The following DDX56 variants were observed in gnomAD, a reference collection of about 807,000 sequenced individuals.
The protein encoded by DDX56 is DEAD-box helicase 56.
DDX56 carries 45 observed loss-of-function variants against 61.5 expected under a neutral mutation model. The observed-to-expected ratio is 0.73, with a 90% CI of 0.58 to 0.94. The LOEUF (loss-of-function observed/expected upper bound fraction) is 0.94. Among genes scored for constraint, DDX56 ranks in the 40% least tolerant of loss-of-function variants. The probability of loss-of-function intolerance (pLI) is 0.00; values close to 1 mark genes in which losing one functional copy is unlikely to be tolerated. For missense variants in DDX56, 708 were observed against 690.7 expected (o/e 1.02, Z -0.28); for synonymous variants, 273 against 268.3 (o/e 1.02, Z -0.17).
At position 44,571,557 on chromosome 7, in the gene DDX56, G is replaced by T. The variant is rs1309991936; in HGVS notation, c.825C>A (p.Arg275=). 1.9e-6 allele frequency: 3 copies of T among 1,613,966 alleles called. No homozygotes were observed. The African/African-American group carries it at 4.0e-5, about 22-fold the overall frequency. Residue 275 remains arginine, a synonymous_variant, in exon 6 of 14, where the codon CGC becomes CGA. Transcript: ENST00000258772. ...GGATGCTGAACTGTTCCAAGAACAG[G>T]CGTAGCCGGTAACTCCGTTCTAGAG... The part of the protein sequence containing the change: ...VNTLERSYRL[R]LFLEQFSIPT...
At chr7:44,570,472 G>T (rs1218536905) in intron 7 of DDX56, among the ~76,000 whole-genome samples, 1 of 152,192 alleles carries the variant, frequency 6.6e-6, no homozygotes, top group African/African-American at 2.4e-5. Flanking sequence ...CTCCCTGCAA[G>T]TCACAGCCAT....
chr7:44,568,148 G>A lies in DDX56; in HGVS notation c.1459C>T (p.Pro487Ser), dbSNP rs145951256. 262 of 1,614,002 alleles carry A rather than the reference G, an allele frequency of 1.6e-4. No homozygotes were observed. The highest frequency in any genetic ancestry group is 2.1e-4 in the Non-Finnish European group (249 of 1,179,960). ...DLPLHPAVVK[P>S]HLGHVPDYLV... is the part of the protein sequence containing the mutation. ...TAGTCAGGAACATGGCCCAGGTGGG[G>A]CTTCACCACTGCGGGGTGCAAAGGT... Residue 487 changes from proline (P) to serine (S), a missense_variant, in exon 12 of 14, where the codon CCC becomes TCC. Physicochemically the swap from Pro to Ser is moderately conservative, Grantham distance 74 (BLOSUM62 -1). Transcript: ENST00000258772.
chr7:44,572,842 C>T (rs1208704323), intron 3 of DDX56, 48 bp downstream of exon 3: 3 of 1,596,286 alleles, frequency 1.9e-6, no homozygotes, highest in African/African-American at 1.3e-5. Context: ...CCCAACCCCA[C>T]AACACTGTGT....
chr7:44,569,930 A>G, intron 8 of DDX56, 27 bp from the exon 9 acceptor site: 1 of 1,611,388 alleles, frequency 6.2e-7, no homozygotes, highest in Non-Finnish European at 8.5e-7. Flanking sequence ...TGCAGCTTGC[A>G]TCTCCAACCC....
chr7:44,567,506 T>C (rs1318595636), intron 12 of DDX56, among the ~76,000 whole-genome samples: 1 of 152,202 alleles, frequency 6.6e-6, no homozygotes, highest in East Asian at 1.9e-4. Context: ...CTGCCAAAGA[T>C]GAGGAGAGGT....
intron 13 of DDX56, 116 bp downstream of exon 13, chr7:44,566,332 T>G: frequency 9.6e-7 from 1 of 1,041,688 alleles, no homozygotes. Context: ...CCTCTTCCCC[T>G]CCCTAGGGCA....
intron 3 of DDX56, 71 bp from the exon 4 acceptor site, chr7:44,572,815 T>G: frequency 6.2e-7 from 1 of 1,604,356 alleles, no homozygotes. Flanking sequence ...TTTGCTCTCT[T>G]TTTTGCCACA....
At position 44,565,956 on chromosome 7, in the gene DDX56, A is replaced by G; in HGVS notation, c.*46T>C. 1 of 1,448,196 alleles carries G rather than the reference A, an allele frequency of 6.9e-7. No individual in the cohort carries two copies. 89.7% of individuals were successfully genotyped at this position (1,448,196 alleles called of 1,614,324 possible). ...GCCTCGCCTGTCCACGAAGGGTGTA[A>G]GCCTGTGCTCCACAATGTGCTCAGC... On this transcript the variant is annotated 3_prime_UTR_variant, in exon 14 of 14. Coordinates refer to ENST00000258772, the MANE Select transcript of DDX56 (RefSeq NM_019082.4).
Position 44,572,606 on chromosome 7 carries a change from A to G in DDX56, c.522T>C (p.Phe174=). Residue 174 remains phenylalanine, a synonymous_variant, in exon 4 of 14, where the codon TTT becomes TTC. Coordinates refer to ENST00000258772, the MANE Select transcript of DDX56 (RefSeq NM_019082.4). ...GACTCTTGAGCTCTTCTTCAAAGCC[A>G]AAGGAAAAAAGAAGGTCAGCTTCGT... ...VVDEADLLFS[F]GFEEELKSLL... 18 of 1,614,178 alleles carry G rather than the reference A, an allele frequency of 1.1e-5. No homozygotes were observed. Among genetic ancestry groups the G allele is most frequent in the Non-Finnish European group, 1.5e-5 (18 of 1,180,032 alleles).
rs750989628 is a variant in DDX56, at chr7:44,570,858, A to C, written c.910T>G (p.Phe304Val). The C allele has an allele frequency of 6.2e-7, 1 of 1,613,036 alleles. No individual in the cohort carries two copies. The highest frequency in any genetic ancestry group is 8.5e-7 in the Non-Finnish European group (1 of 1,179,108). ...ACACAGTCGTAGAAGCCTTGGTTGA[A>C]CTGTGAGATGATGTGGCACCTGCAG... The part of the protein sequence containing the change: ...LRSRCHIISQ[F>V]NQGFYDCVIA... Residue 304 changes from phenylalanine to valine, a missense_variant, in exon 7 of 14, where the codon TTC becomes GTC. By Grantham distance (50) the Phe-to-Val change is conservative. Coordinates refer to ENST00000258772, the MANE Select transcript of DDX56 (RefSeq NM_019082.4).
Position 44,570,004 on chromosome 7 carries a change from C to T in DDX56, c.1124+11G>A. 1 of 1,614,160 alleles carries T rather than the reference C, an allele frequency of 6.2e-7. No individual in the cohort carries two copies. On this transcript the variant is annotated intron_variant, in intron 8 of 13. Coordinates refer to ENST00000258772, the MANE Select transcript of DDX56 (RefSeq NM_019082.4). The stretch of plus-strand genomic sequence containing the variant: ...CCTACCATGCAGATGCCTGGGCCGT[C>T]ACACTACTACCTGCCAGCTCGATGG...
intron 13 of DDX56, 80 bp from the exon 14 acceptor site, chr7:44,566,159 G>T: frequency 1.4e-6 from 1 of 734,164 alleles, no homozygotes; most frequent in Non-Finnish European, 2.0e-6. Flanking sequence ...AACTGAGAAA[G>T]ACACAAAGGG....
At position 44,569,178 on chromosome 7, in the gene DDX56, G is replaced by A. The variant is rs755511857; in HGVS notation, c.1245C>T (p.Pro415=). ...SGENRGPILL[P]YQFRMEEIEG... is the part of the protein sequence containing the mutation. ...CGATCTCCTCCATCCGGAACTGGTA[G>A]GGGAGCAGAATGGGGCCCCTGTTCT... Residue 415 remains proline, a synonymous_variant, in exon 10 of 14, where the codon CCC becomes CCT. Transcript: ENST00000258772. 4 of 1,613,974 alleles carry A rather than the reference G, an allele frequency of 2.5e-6. No homozygotes were observed. Among genetic ancestry groups the A allele is most frequent in the East Asian group, 2.2e-5 (1 of 44,890 alleles).
At position 44,572,693 on chromosome 7, in the gene DDX56, T is replaced by C. The variant is rs1447668611; in HGVS notation, c.435A>G (p.Ile145Met). The change falls in exon 4 of 14, where the codon ATA becomes ATG. Residue 145 changes from isoleucine (I) to methionine (M), a missense_variant. Physicochemically the swap from Ile to Met is conservative, Grantham distance 10 (BLOSUM62 1). Coordinates refer to ENST00000258772, the MANE Select transcript of DDX56 (RefSeq NM_019082.4). Reference sequence around the variant, plus strand: ...GGCTGTCTTGCTGCAAGTGGCTTAATATGCGAGATGGGGTCCCTACTACCA... The same window carrying C: ...GGCTGTCTTGCTGCAAGTGGCTTAACATGCGAGATGGGGTCCCTACTACCA... Reference protein sequence around the residue: ...PDVVVGTPSRILSHLQQDSLK... With the variant: ...PDVVVGTPSRMLSHLQQDSLK... 6.2e-7 allele frequency: 1 copy of C among 1,614,212 alleles called. No individual in the cohort carries two copies. The highest frequency in any genetic ancestry group is 1.7e-5 in the Admixed American group (1 of 60,022).
intron 12 of DDX56, among the ~76,000 whole-genome samples, chr7:44,567,427 T>C (rs1802570282): frequency 6.6e-6 from 1 of 152,156 alleles, no homozygotes. Flanking sequence ...ATTTTAGGCA[T>C]AAAAGTCACA....
At chr7:44,567,900 C>T (rs1013373283) in intron 12 of DDX56, 1 of 585,276 alleles carries the variant, frequency 1.7e-6, no homozygotes, top group East Asian at 2.9e-5. Flanking sequence ...ATTTCCTCAT[C>T]TCTAAAATGG....
In DDX56 at chr7:44,573,869, G is replaced by T; in HGVS notation, c.27C>A (p.Phe9Leu). MEDSEALG[F>L]EHMGLDPRLL... ...GCCGGGGATCGAGGCCCATGTGTTC[G>T]AAGCCCAGTGCTTCAGAGTCCTCCA... The change falls in exon 1 of 14, where the codon TTC becomes TTA. Residue 9 changes from phenylalanine (F) to leucine (L), a missense_variant. By Grantham distance (22) the Phe-to-Leu change is conservative. Transcript: ENST00000258772. 6.2e-7 allele frequency: 1 copy of T among 1,613,292 alleles called. No individual in the cohort carries two copies. The highest frequency in any genetic ancestry group is 1.1e-5 in the South Asian group (1 of 91,080).
At chr7:44,568,264 C>A (rs1453578874) in intron 11 of DDX56, 41 bp from the exon 12 acceptor site, 47 of 1,409,968 alleles carry the variant, frequency 3.3e-5, no homozygotes, top group Non-Finnish European at 4.5e-5. Context: ...GAGCATCTTT[C>A]TTCTGTGACT....
chr7:44,571,000 T>C (rs1001403736), intron 6 of DDX56, 123 bp from the exon 7 acceptor site: 13 of 1,245,650 alleles, frequency 1.0e-5, no homozygotes, highest in Admixed American at 8.1e-5. Flanking sequence ...TTTCCCTACT[T>C]AATCATTGTG....
Sources: gnomAD v4.1 joint callset for allele counts (sites outside exome capture counted in the v4.1 genomes callset) on GRCh38, gnomAD v4.1.1 for gene constraint, MANE v1.5 for transcripts, NCBI Gene and HGNC (gene_info 2026-07-23, HGNC 2026-07-21) for gene names.